The following ESPL1 variants were observed in gnomAD, a reference collection of about 807,000 sequenced individuals.
The protein encoded by ESPL1 is extra spindle pole bodies like 1, separase, also known as separin.
A neutral mutation model predicts 217.2 loss-of-function variants in ESPL1; 50 were observed. The ratio of observed to expected loss-of-function variants is 0.23; its 90% CI spans 0.18 to 0.29. The LOEUF is 0.29. Among genes scored for constraint, ESPL1 ranks in the 10% least tolerant of loss-of-function variants. The probability of loss-of-function intolerance (pLI) is 1.00; values close to 1 mark genes in which losing one functional copy is unlikely to be tolerated. For missense variants in ESPL1, 1,834 were observed against 2,603.0 expected (o/e 0.70, Z 6.43); for synonymous variants, 994 against 1,081.3 (o/e 0.92, Z 1.58).
Position 53,291,771 on chromosome 12 carries a change from C to T in ESPL1, c.5602C>T (p.Arg1868Ter), listed in dbSNP as rs1944064314. The T allele has an allele frequency of 2.5e-6, 4 of 1,612,018 alleles. No homozygotes were observed. The highest frequency in any genetic ancestry group is 1.3e-5 in the African/African-American group (1 of 74,788). ...AYGLCPTQPE[R>*]AQELLNEAVG... ...CGGGCTGTGCCCAACCCAGCCAGAG[C>T]GAGCCCAGGAGCTCCTGAATGAGGC... Residue 1868 changes from arginine (R) to a stop codon, truncating the protein, a stop_gained, in exon 26 of 31, where the codon CGA (arginine) becomes TGA (stop). Coordinates refer to ENST00000257934, the MANE Select transcript of ESPL1 (RefSeq NM_012291.5). LOFTEE classifies it high-confidence loss of function.
At chr12:53,268,441 A>C in intron 1 of ESPL1, 64 bp downstream of exon 1, 1 of 316,710 alleles carries the variant, frequency 3.2e-6, no homozygotes, top group South Asian at 4.0e-5. Context: ...CCCAGCGCTG[A>C]CGCGAGGAGA....
Position 53,269,940 on chromosome 12 carries a change from T to G in ESPL1, c.998T>G (p.Leu333Arg), listed in dbSNP as rs1334604193. The change falls in exon 3 of 31, where the codon CTT becomes CGT. Residue 333 changes from leucine (L) to arginine (R), a missense_variant. Coordinates refer to ENST00000257934, the MANE Select transcript of ESPL1 (RefSeq NM_012291.5). The surrounding 1 kb of genome is among the most constrained non-coding windows in gnomAD (Gnocchi z 6.7). ...SKSMEAPSPP[L>R]RALYESCQFF... ...AGTATGGAGGCACCATCACCCCCAC[T>G]TCGGGCATTGTATGAGAGCTGCCAG... The G allele has an allele frequency of 3.1e-6, 5 of 1,614,054 alleles. No individual in the cohort carries two copies. Among genetic ancestry groups the G allele is most frequent in the Admixed American group, 1.7e-5 (1 of 59,988 alleles).
At chr12:53,291,120 T>C (rs922789827) in intron 25 of ESPL1, 124 bp downstream of exon 25, 1 of 743,570 alleles carries the variant, frequency 1.3e-6, no homozygotes, top group Non-Finnish European at 2.1e-6. Context: ...CTGGCCAACA[T>C]GGTGAAACCC....
Position 53,288,153 on chromosome 12 carries a change from G to GC in ESPL1, c.4359dup (p.Arg1454GlnfsTer14). The GC allele has an allele frequency of 6.2e-7, 1 of 1,613,156 alleles. No individual in the cohort carries two copies. The highest frequency in any genetic ancestry group is 8.5e-7 in the Non-Finnish European group (1 of 1,179,738). ...GCCCCTGGGAACCCTGGCCTGAATG[G>GC]CAGGAGCCGGAGGGCCAAGAAGGTG... On this transcript the variant is annotated frameshift_variant, in exon 19 of 31. Transcript: ENST00000257934. LOFTEE classifies it high-confidence loss of function.
chr12:53,276,927 C>A, intron 8 of ESPL1, 68 bp downstream of exon 8: 1 of 1,578,226 alleles, frequency 6.3e-7, no homozygotes, highest in Non-Finnish European at 8.6e-7. Flanking sequence ...TCTTGAGAAC[C>A]AGTTTCCCTC....
At chr12:53,284,998 G>A (rs763586831) in intron 17 of ESPL1, among the ~76,000 whole-genome samples, 9 of 117,068 alleles carry the variant, frequency 7.7e-5, no homozygotes, top group Non-Finnish European at 1.0e-4. Context: ...GTGACAGTGC[G>A]AGACTCTGAC....
chr12:53,278,723 C>T (rs1943813466), intron 11 of ESPL1, among the ~76,000 whole-genome samples: 2 of 150,982 alleles, frequency 1.3e-5, no homozygotes, highest in African/African-American at 4.9e-5. Flanking sequence ...TCCTGAGTAG[C>T]TGGGACTACA....
intron 11 of ESPL1, among the ~76,000 whole-genome samples, chr12:53,278,293 G>A (rs562536455): frequency 3.6e-4 from 54 of 151,978 alleles, no homozygotes; most frequent in Non-Finnish European, 5.1e-4. Flanking sequence ...TGGGCAACAC[G>A]GCGAAACCCC....
chr12:53,289,648 T>C (rs938920066), intron 22 of ESPL1, 54 bp downstream of exon 22: 2 of 1,493,858 alleles, frequency 1.3e-6, no homozygotes, highest in Non-Finnish European at 1.8e-6. Context: ...ATCTTCTTAC[T>C]TGGGAGCTGG....
At chr12:53,280,722 A>T (rs1215712926) in intron 12 of ESPL1, among the ~76,000 whole-genome samples, 6 of 152,086 alleles carry the variant, frequency 3.9e-5, no homozygotes. Flanking sequence ...GGCTGAGCGC[A>T]GTGGCTCACA....
In ESPL1 at chr12:53,270,408, T is replaced by A; in HGVS notation, c.1174T>A (p.Ser392Thr). The A allele has an allele frequency of 6.2e-7, 1 of 1,613,858 alleles. No individual in the cohort carries two copies. Among genetic ancestry groups the A allele is most frequent in the Non-Finnish European group, 8.5e-7 (1 of 1,179,802 alleles). The change falls in exon 4 of 31, where the codon TCT becomes ACT. Residue 392 changes from serine to threonine, a missense_variant. Ser to Thr is a moderately conservative substitution (Grantham distance 58). Coordinates refer to ENST00000257934, the MANE Select transcript of ESPL1 (RefSeq NM_012291.5). Reference sequence around the variant, plus strand: ...TGGGGGCTCCTCCAAGCAACAGCAGTCTTTTCTTCAGATGTACTTTCAGGG... The same window carrying A: ...TGGGGGCTCCTCCAAGCAACAGCAGACTTTTCTTCAGATGTACTTTCAGGG... ...VYGGSSKQQQ[S>T]FLQMYFQGLH...
Position 53,293,141 on chromosome 12 carries a change from T to A in ESPL1, c.6162-132T>A. 1.0e-6 allele frequency: 1 copy of A among 1,000,448 alleles called. No homozygotes were observed. The highest frequency in any genetic ancestry group is 1.5e-5 in the South Asian group (1 of 66,562). 62.0% of individuals were successfully genotyped at this position (1,000,448 alleles called of 1,614,324 possible). On this transcript the variant is annotated intron_variant, in intron 30 of 30. Coordinates refer to ENST00000257934, the MANE Select transcript of ESPL1 (RefSeq NM_012291.5). The surrounding 1 kb of genome is among the most constrained non-coding windows in gnomAD (Gnocchi z 4.2). ...CCTTAGCTCCCTTCTGTTCTTCTCT[T>A]GTAACCAAGGGCCAAAGGAGTTTCT...
intron 7 of ESPL1, among the ~76,000 whole-genome samples, chr12:53,275,376 G>A (rs1943748127): frequency 6.6e-6 from 1 of 152,150 alleles, no homozygotes; most frequent in Non-Finnish European, 1.5e-5. Context: ...CAGGAGAATG[G>A]CGTGAACCCG....
Position 53,277,535 on chromosome 12 carries a change from G to A in ESPL1, c.2151G>A (p.Leu717=). 6.2e-7 allele frequency: 1 copy of A among 1,614,130 alleles called. No individual in the cohort carries two copies. The highest frequency in any genetic ancestry group is 8.5e-7 in the Non-Finnish European group (1 of 1,179,992). ...GNLEEFEVND[L]NYEDKLQEDR... is the part of the protein sequence containing the mutation. ...TGGAGGAATTTGAAGTCAATGACCT[G>A]AACTATGAAGATAAACTCCAGGAAG... The change falls in exon 10 of 31, where the codon CTG becomes CTA. Residue 717 remains leucine, a synonymous_variant. Transcript: ENST00000257934.
At chr12:53,276,298 T>G (rs1006127040) in intron 7 of ESPL1, among the ~76,000 whole-genome samples, 3 of 152,106 alleles carry the variant, frequency 2.0e-5, no homozygotes, top group African/African-American at 7.2e-5. Flanking sequence ...CTTGGGACCA[T>G]GCTTGAGAAA....
At chr12:53,276,980 C>A in intron 8 of ESPL1, 103 bp from the exon 9 acceptor site, 1 of 1,552,232 alleles carries the variant, frequency 6.4e-7, no homozygotes, top group Non-Finnish European at 8.7e-7. Flanking sequence ...GCCATGGGAG[C>A]ACATGCAAAG....
chr12:53,274,704 C>T, intron 6 of ESPL1, 113 bp from the exon 7 acceptor site: 3 of 843,842 alleles, frequency 3.6e-6, no homozygotes, highest in South Asian at 1.6e-5. Context: ...GGAGGCCCAC[C>T]TGCCAACCCC....
At chr12:53,274,695 G>A (rs1014924001) in intron 6 of ESPL1, 122 bp from the exon 7 acceptor site, 25 of 734,234 alleles carry the variant, frequency 3.4e-5, no homozygotes, top group Non-Finnish European at 5.6e-5. Flanking sequence ...TGTGGCTCAG[G>A]AGGCCCACCT....
In ESPL1 at chr12:53,282,406, A is replaced by C. The variant is rs1343012633; in HGVS notation, c.2762A>C (p.His921Pro). Residue 921 changes from histidine to proline, a missense_variant, in exon 14 of 31, where the codon CAC becomes CCC. Physicochemically the swap from His to Pro is moderately conservative, Grantham distance 77 (BLOSUM62 -2). This residue lies in a region of ESPL1 where 107 missense variants were observed against 171.7 expected (regional missense o/e 0.62). Coordinates refer to ENST00000257934, the MANE Select transcript of ESPL1 (RefSeq NM_012291.5). This position sits in a 1 kb window ranked among gnomAD's most constrained non-coding sequence, Gnocchi z 4.0. ...AGCCTCCCGTCAAACAACCTCTCAC[A>C]CTCCCTGTGGGAGCAGCTCTGTGCC... ...YLSLPSNNLS[H>P]SLWEQLCAQG... 6.2e-7 allele frequency: 1 copy of C among 1,613,422 alleles called. No individual in the cohort carries two copies. The highest frequency in any genetic ancestry group is 1.3e-5 in the African/African-American group (1 of 74,732).
Sources: gnomAD v4.1 joint callset for allele counts (sites outside exome capture counted in the v4.1 genomes callset) on GRCh38, gnomAD v4.1.1 for gene constraint, gnomAD v4.1.1 regional missense constraint, Gnocchi (gnomAD v3.1) non-coding constraint, MANE v1.5 for transcripts, NCBI Gene and HGNC (gene_info 2026-07-23, HGNC 2026-07-21) for gene names.